The following CCDC88A variants were observed in gnomAD, a reference collection of about 807,000 sequenced individuals.
The protein encoded by CCDC88A is coiled-coil and HOOK domain protein 88A, also known as girdin.
A neutral mutation model predicts 234.3 loss-of-function variants in CCDC88A; 54 were observed. The observed-to-expected ratio is 0.23, with a 90% CI of 0.19 to 0.29. The LOEUF (loss-of-function observed/expected upper bound fraction) is 0.29, where lower values mean the gene tolerates loss of function less well. CCDC88A is among the 10% of genes least tolerant of loss of function. The probability of loss-of-function intolerance (pLI) is 1.00; values close to 1 mark genes in which losing one functional copy is unlikely to be tolerated. For missense variants in CCDC88A, 1,832 were observed against 2,123.4 expected (o/e 0.86, Z 2.70); for synonymous variants, 753 against 737.8 (o/e 1.02, Z -0.33).
chr2:55,366,351 C>T (rs976014742), intron 5 of CCDC88A, among the ~76,000 whole-genome samples: 1 of 151,946 alleles, frequency 6.6e-6, no homozygotes, highest in African/African-American at 2.4e-5. Flanking sequence ...CATGGTGACA[C>T]CCTGTCTCTA....
At chr2:55,310,587 A>T (rs2104601713) in intron 23 of CCDC88A, among the ~76,000 whole-genome samples, 1 of 152,284 alleles carries the variant, frequency 6.6e-6, no homozygotes, top group Middle Eastern at 3.4e-3. Context: ...AAGAAAAAAA[A>T]AAAAGATTGG....
At chr2:55,351,221 C>A (rs1669843127) in intron 8 of CCDC88A, among the ~76,000 whole-genome samples, 1 of 152,180 alleles carries the variant, frequency 6.6e-6, no homozygotes, top group Non-Finnish European at 1.5e-5. Flanking sequence ...CAAGTGCACA[C>A]TGCTGTGCCT....
At chr2:55,291,892 G>C in intron 31 of CCDC88A, 117 bp from the exon 32 acceptor site, 1 of 633,466 alleles carries the variant, frequency 1.6e-6, no homozygotes. Flanking sequence ...TAACTGTCTG[G>C]GAAAATTATT....
intron 3 of CCDC88A, among the ~76,000 whole-genome samples, chr2:55,388,336 G>A (rs924901405): frequency 7.9e-5 from 12 of 151,896 alleles, no homozygotes; most frequent in African/African-American, 2.4e-4. Context: ...TTTAAAATAC[G>A]CCATACCAAA....
At chr2:55,303,391 CTTTTT>C (rs397965492) in intron 25 of CCDC88A, among the ~76,000 whole-genome samples, 2 of 135,476 alleles carry the variant, frequency 1.5e-5, no homozygotes, top group Admixed American at 7.4e-5. Context: ...GGAACATATA[CTTTTT>C]TTTTTTTTTT....
chr2:55,343,188 A>G (rs1306711213), intron 12 of CCDC88A, among the ~76,000 whole-genome samples: 6 of 152,136 alleles, frequency 3.9e-5, no homozygotes, highest in Non-Finnish European at 1.5e-5. Flanking sequence ...GAGACTATAC[A>G]TATTACAAGT....
chr2:55,337,300 T>C (rs1667918919), intron 13 of CCDC88A: 1 of 151,990 alleles, frequency 6.6e-6, no homozygotes. Context: ...AGGAGAAAAA[T>C]ACTACCATAA....
chr2:55,410,035 C>G (rs1212484075), intron 2 of CCDC88A, among the ~76,000 whole-genome samples: 3 of 152,190 alleles, frequency 2.0e-5, no homozygotes, highest in Admixed American at 6.5e-5. Flanking sequence ...GCCCCCAAGT[C>G]TGGCCTACCT....
At chr2:55,355,851 A>C in intron 7 of CCDC88A, 100 bp from the exon 8 acceptor site, 1 of 851,694 alleles carries the variant, frequency 1.2e-6, no homozygotes, top group Non-Finnish European at 1.8e-6. Flanking sequence ...GCCATATCAA[A>C]AACAATTCAC....
intron 6 of CCDC88A, among the ~76,000 whole-genome samples, chr2:55,362,847 T>C (rs1420722915): frequency 2.0e-5 from 3 of 151,980 alleles, no homozygotes; most frequent in Admixed American, 6.6e-5. Context: ...TGTTATTGCA[T>C]TGTTGTTACT....
chr2:55,352,704 A>C (rs940468885), intron 8 of CCDC88A, among the ~76,000 whole-genome samples: 1 of 152,206 alleles, frequency 6.6e-6, no homozygotes, highest in African/African-American at 2.4e-5. Context: ...TGAAATTGCT[A>C]TTTTAAATTT....
chr2:55,393,455 T>A (rs1677032972), intron 2 of CCDC88A, among the ~76,000 whole-genome samples: 1 of 151,852 alleles, frequency 6.6e-6, no homozygotes, highest in African/African-American at 2.4e-5. Flanking sequence ...CACGCCCGGC[T>A]AATTTTTTTT....
At chr2:55,349,659 G>T (rs1669616528) in intron 8 of CCDC88A, 60 bp from the exon 9 acceptor site, 21 of 1,117,238 alleles carry the variant, frequency 1.9e-5, no homozygotes, top group Non-Finnish European at 2.7e-5. Flanking sequence ...ATCATCATCT[G>T]CGTTAATATA....
chr2:55,367,528 G>GTTTTTGTTTTTTTTTTTT (rs1672167416), intron 5 of CCDC88A, among the ~76,000 whole-genome samples: 1 of 99,890 alleles, frequency 1.0e-5, no homozygotes, highest in Non-Finnish European at 2.0e-5. Context: ...TTATTTCCTT[G>GTTTTTGTTTTTTTTTTTT]TTTTTTTTTA....
At chr2:55,349,726 C>T in intron 8 of CCDC88A, 127 bp from the exon 9 acceptor site, 2 of 515,172 alleles carry the variant, frequency 3.9e-6, no homozygotes, top group Admixed American at 7.8e-5. Flanking sequence ...TAACCCTAAT[C>T]TAGAAGATAA....
At chr2:55,351,875 A>C (rs1669926576) in intron 8 of CCDC88A, among the ~76,000 whole-genome samples, 1 of 152,212 alleles carries the variant, frequency 6.6e-6, no homozygotes, top group African/African-American at 2.4e-5. Flanking sequence ...CATTCAGTGG[A>C]ATATTACTCA....
chr2:55,349,265 A>C (rs1296448366), intron 9 of CCDC88A: 1 of 404,862 alleles, frequency 2.5e-6, no homozygotes, highest in African/African-American at 2.1e-5. Context: ...ATCAAAAAGA[A>C]AAATGTGGAA....
intron 7 of CCDC88A, among the ~76,000 whole-genome samples, chr2:55,357,234 C>T (rs1023264806): frequency 3.4e-5 from 5 of 147,582 alleles, no homozygotes; most frequent in African/African-American, 1.3e-4. Context: ...ACATCTTATG[C>T]TCTAATAGTA....
In CCDC88A at chr2:55,296,258, C is replaced by T. The variant is rs1680020781; in HGVS notation, c.5091G>A (p.Gln1697=). 1 of 1,613,288 alleles carries T rather than the reference C, an allele frequency of 6.2e-7. No homozygotes were observed. Among genetic ancestry groups the T allele is most frequent in the Non-Finnish European group, 8.5e-7 (1 of 1,179,704 alleles). The change falls in exon 30 of 33, where the codon CAG becomes CAA. Residue 1697 remains glutamine, a splice_region_variant and synonymous_variant. Transcript: ENST00000436346. ...TAAGGTCATCATAGATAAAACTAACCTGTACTGAGGTAAGCTTATTGCTTT... is the reference window on the plus strand; with the variant it reads ...TAAGGTCATCATAGATAAAACTAACTTGTACTGAGGTAAGCTTATTGCTTT... The part of the protein sequence containing the change: ...LEESNKLTSV[Q]IKSSSQENLL...
Sources: gnomAD v4.1 joint callset for allele counts (sites outside exome capture counted in the v4.1 genomes callset) on GRCh38, gnomAD v4.1.1 for gene constraint, MANE v1.5 for transcripts, NCBI Gene and HGNC (gene_info 2026-07-23, HGNC 2026-07-21) for gene names.